DMTF1: variants seen among roughly 807,000 people sequenced by gnomAD.
DMTF1 encodes cyclin-D-binding Myb-like transcription factor 1.
In DMTF1, 39 loss-of-function variants were observed where a neutral mutation model predicts 91.1. The observed-to-expected ratio is 0.43, with a 90% CI of 0.33 to 0.56. The LOEUF (loss-of-function observed/expected upper bound fraction) is 0.56. Among genes scored for constraint, DMTF1 ranks in the 20% least tolerant of loss-of-function variants. DMTF1 has a pLI of 0.05. For synonymous variants in DMTF1, 338 were observed against 309.5 expected (o/e 1.09, Z -0.97); for missense variants, 750 against 914.5 (o/e 0.82, Z 2.32).
intron 14 of DMTF1, chr7:87,192,579 CTTT>C (rs953835770): frequency 1.3e-5 from 2 of 152,038 alleles, no homozygotes; most frequent in Non-Finnish European, 2.9e-5. Context: ...AGTGCAAATA[CTTT>C]TTTAGAATAT....
chr7:87,181,744 G>T (rs559678519), intron 9 of DMTF1, among the ~76,000 whole-genome samples: 3 of 152,306 alleles, frequency 2.0e-5, no homozygotes, highest in African/African-American at 7.2e-5. Flanking sequence ...CCTTGCAAAG[G>T]CTATTGAATC....
Position 87,165,037 on chromosome 7 carries a change from C to T in DMTF1, c.96C>T (p.His32=), listed in dbSNP as rs114529792. Reference sequence around the variant, plus strand: ...ACACAGAAGGGAATCTCATTCTTCACTGCCCTCAGAATGGTAGGAGAACTT... The same window carrying T: ...ACACAGAAGGGAATCTCATTCTTCATTGCCCTCAGAATGGTAGGAGAACTT... ...TQDTEGNLIL[H]CPQNEADEID... is the part of the protein sequence containing the mutation. The change falls in exon 3 of 18, where the codon CAC becomes CAT. Residue 32 remains histidine (H), a synonymous_variant. Coordinates refer to ENST00000331242, the MANE Select transcript of DMTF1 (RefSeq NM_001142327.2). The T allele has an allele frequency of 6.1e-4, 972 of 1,606,082 alleles. 10 individuals carry two copies. The African/African-American group carries it at 0.011, about 18-fold the overall frequency.
chr7:87,153,553 T>G (rs975606117), intron 1 of DMTF1, among the ~76,000 whole-genome samples: 1 of 151,362 alleles, frequency 6.6e-6, no homozygotes, highest in Non-Finnish European at 1.5e-5. Flanking sequence ...GTATACAGTA[T>G]GAGTCAGGAC....
intron 9 of DMTF1, 127 bp from the exon 10 acceptor site, chr7:87,182,101 C>T: frequency 6.5e-7 from 1 of 1,546,944 alleles, no homozygotes; most frequent in Non-Finnish European, 8.7e-7. Flanking sequence ...AACTTTGGCT[C>T]TCAAAGTATT....
intron 5 of DMTF1, 32 bp from the exon 6 acceptor site, chr7:87,173,503 G>GTT: frequency 6.8e-7 from 1 of 1,462,208 alleles, no homozygotes; most frequent in Non-Finnish European, 9.4e-7. Context: ...GTTTTGTTTT[G>GTT]TTTTGTTTTG....
At chr7:87,159,304 G>A (rs1031803884) in intron 1 of DMTF1, among the ~76,000 whole-genome samples, 1 of 152,094 alleles carries the variant, frequency 6.6e-6, no homozygotes, top group Non-Finnish European at 1.5e-5. Context: ...CTTTCTGTAA[G>A]CCACTCTCCA....
intron 12 of DMTF1, chr7:87,187,288 C>G (rs1438880267): frequency 6.6e-6 from 1 of 152,286 alleles, no homozygotes; most frequent in African/African-American, 2.4e-5. Flanking sequence ...AATCCCAGTA[C>G]TGTGGGAGGC....
intron 14 of DMTF1, 113 bp downstream of exon 14, chr7:87,191,140 G>A: frequency 1.5e-6 from 1 of 676,650 alleles, no homozygotes; most frequent in Non-Finnish European, 2.5e-6. Flanking sequence ...CAAATGAATG[G>A]TAGACTAAAT....
chr7:87,180,497 A>C (rs997855264), intron 8 of DMTF1, among the ~76,000 whole-genome samples: 3 of 152,246 alleles, frequency 2.0e-5, no homozygotes, highest in Non-Finnish European at 4.4e-5. Context: ...AGAACATTAC[A>C]TAGGCTGTAT....
At chr7:87,165,163 C>T (rs1793533663) in intron 3 of DMTF1, 113 bp downstream of exon 3, 2 of 547,228 alleles carry the variant, frequency 3.7e-6, no homozygotes, top group South Asian at 2.9e-5. Context: ...TTAGGCTGCA[C>T]AGTAGAAAAG....
At chr7:87,169,558 T>C (rs1378691708) in intron 4 of DMTF1, among the ~76,000 whole-genome samples, 1 of 151,932 alleles carries the variant, frequency 6.6e-6, no homozygotes, top group Non-Finnish European at 1.5e-5. Context: ...ATATTTGCCT[T>C]CATTTCCTTT....
chr7:87,155,843 G>GT (rs1790555597), intron 1 of DMTF1, among the ~76,000 whole-genome samples: 2 of 143,428 alleles, frequency 1.4e-5, no homozygotes, highest in African/African-American at 5.2e-5. Context: ...ATTATGAACA[G>GT]TTTAATTTTC....
chr7:87,164,167 G>C (rs1386655482), intron 2 of DMTF1: 1 of 151,756 alleles, frequency 6.6e-6, no homozygotes, highest in East Asian at 1.9e-4. Context: ...TGAGTATTGA[G>C]GCAAGAACCT....
At chr7:87,191,805 A>G (rs757056409) in intron 14 of DMTF1, among the ~76,000 whole-genome samples, 3 of 152,088 alleles carry the variant, frequency 2.0e-5, no homozygotes, top group Non-Finnish European at 4.4e-5. Flanking sequence ...GCATGACTGA[A>G]TGCCCTTTCT....
At chr7:87,182,361 G>A (rs776303329) in intron 10 of DMTF1, 24 bp downstream of exon 10, 140 of 1,612,702 alleles carry the variant, frequency 8.7e-5, no homozygotes, top group Non-Finnish European at 1.1e-4. Flanking sequence ...TACTGGTAGC[G>A]TTTTCTTGTC....
chr7:87,179,498 T>C, intron 7 of DMTF1, 47 bp from the exon 8 acceptor site: 2 of 1,441,696 alleles, frequency 1.4e-6, no homozygotes, highest in Non-Finnish European at 1.8e-6. Flanking sequence ...TATATCCATA[T>C]GCATTTTATC....
chr7:87,155,570 G>T (rs1363668805), intron 1 of DMTF1: 9 of 152,172 alleles, frequency 5.9e-5, no homozygotes, highest in African/African-American at 2.2e-4. Flanking sequence ...CCAAATGTAT[G>T]TGGCGTTTGT....
intron 7 of DMTF1, among the ~76,000 whole-genome samples, chr7:87,176,906 C>T (rs974519253): frequency 2.0e-5 from 3 of 152,010 alleles, no homozygotes; most frequent in South Asian, 4.1e-4. Flanking sequence ...ATGCAAGTAA[C>T]GTCTATAAGC....
At chr7:87,190,839 A>C (rs1204662699) in intron 13 of DMTF1, 106 bp from the exon 14 acceptor site, 1 of 820,992 alleles carries the variant, frequency 1.2e-6, no homozygotes, top group Non-Finnish European at 1.8e-6. Flanking sequence ...CAAATTATTC[A>C]ATATTAAATT....
Sources: gnomAD v4.1 joint callset for allele counts (sites outside exome capture counted in the v4.1 genomes callset) on GRCh38, gnomAD v4.1.1 for gene constraint, MANE v1.5 for transcripts, NCBI Gene and HGNC (gene_info 2026-07-23, HGNC 2026-07-21) for gene names.